Variants in RHOJ observed in about 807,000 individuals in gnomAD.
RHOJ encodes the protein rho-related GTP-binding protein RhoJ.
Under a neutral mutation model 23.4 loss-of-function variants are expected in RHOJ, and 11 were observed. The observed-to-expected ratio is 0.47, with a 90% CI of 0.30 to 0.78. The LOEUF (loss-of-function observed/expected upper bound fraction) is 0.78, where lower values mean the gene tolerates loss of function less well. Ranked by LOEUF, RHOJ falls within the 30% of genes least tolerant of loss-of-function variation. The pLI is 0.08. For missense variants in RHOJ, 254 were observed against 273.4 expected (o/e 0.93, Z 0.50); for synonymous variants, 102 against 102.7 (o/e 0.99, Z 0.04).
chr14:63,231,503 T>C (rs1894694357), intron 1 of RHOJ, among the ~76,000 whole-genome samples: 1 of 152,204 alleles, frequency 6.6e-6, no homozygotes, highest in South Asian at 2.1e-4. Flanking sequence ...CACATTACAA[T>C]AACGTTGTAT....
chr14:63,220,023 G>C (rs867571288), intron 1 of RHOJ, among the ~76,000 whole-genome samples: 27 of 152,166 alleles, frequency 1.8e-4, no homozygotes, highest in African/African-American at 6.3e-4. Context: ...TATTTTAATG[G>C]TATATATGAG....
chr14:63,287,496 A>ATCCC (rs1882117783), intron 4 of RHOJ, among the ~76,000 whole-genome samples: 1 of 152,078 alleles, frequency 6.6e-6, no homozygotes, highest in Non-Finnish European at 1.5e-5. Context: ...CTTTGCCTTT[A>ATCCC]TCCCTTCCAG....
At chr14:63,249,847 G>GGTGCA (rs1895037885) in intron 1 of RHOJ, among the ~76,000 whole-genome samples, 2 of 152,120 alleles carry the variant, frequency 1.3e-5, no homozygotes, top group South Asian at 2.1e-4. Context: ...ATTGGTCCAG[G>GGTGCA]GTGCAACCAA....
intron 1 of RHOJ, among the ~76,000 whole-genome samples, chr14:63,229,856 C>T (rs770615608): frequency 2.6e-5 from 4 of 152,150 alleles, no homozygotes; most frequent in African/African-American, 9.7e-5. Context: ...TGGAATACCA[C>T]GGGTCAAGGA....
In RHOJ at chr14:63,291,140, G is replaced by A; in HGVS notation, c.*116G>A. Reference sequence around the variant, plus strand: ...CAGAAAGGAACTCCCTTTGCACGGAGGCTTGCCCCATCACCCTCTGAGCCC... The same window carrying A: ...CAGAAAGGAACTCCCTTTGCACGGAAGCTTGCCCCATCACCCTCTGAGCCC... On this transcript the variant is annotated 3_prime_UTR_variant, in exon 5 of 5. Coordinates refer to ENST00000316754, the MANE Select transcript of RHOJ (RefSeq NM_020663.5). The A allele has an allele frequency of 8.1e-7, 1 of 1,230,436 alleles. No homozygotes were observed. The highest frequency in any genetic ancestry group is 1.2e-6 in the Non-Finnish European group (1 of 852,504). The allele number at this position is 1,230,436 out of a possible 1,614,324, so 76.2% of individuals were successfully genotyped here.
intron 1 of RHOJ, among the ~76,000 whole-genome samples, chr14:63,220,053 T>C (rs1013653287): frequency 6.6e-6 from 1 of 152,180 alleles, no homozygotes; most frequent in African/African-American, 2.4e-5. Flanking sequence ...AATTCAGTTA[T>C]GAAAATTATG....
At chr14:63,278,562 A>G (rs1258243944) in intron 2 of RHOJ, among the ~76,000 whole-genome samples, 1 of 152,204 alleles carries the variant, frequency 6.6e-6, no homozygotes, top group African/African-American at 2.4e-5. Context: ...TATTAGAGTC[A>G]ATAGAAAGGT....
chr14:63,249,808 A>C (rs1260321672), intron 1 of RHOJ, among the ~76,000 whole-genome samples: 2 of 152,182 alleles, frequency 1.3e-5, no homozygotes, highest in Non-Finnish European at 2.9e-5. Flanking sequence ...CAAAACATCA[A>C]TGCCTGGATA....
Position 63,290,908 on chromosome 14 carries a change from G to T in RHOJ, c.529G>T (p.Ala177Ser). The T allele has an allele frequency of 6.2e-7, 1 of 1,613,936 alleles. No homozygotes were observed. The highest frequency in any genetic ancestry group is 8.5e-7 in the Non-Finnish European group (1 of 1,179,978). The change falls in exon 5 of 5, where the codon GCT becomes TCT. Residue 177 changes from alanine to serine, a missense_variant. By Grantham distance (99) the Ala-to-Ser change is moderately conservative (BLOSUM62 1). Coordinates refer to ENST00000316754, the MANE Select transcript of RHOJ (RefSeq NM_020663.5). ...IGAQCYLECS[A>S]LTQKGLKAVF... ...AGCACAGTGCTACTTGGAATGTTCA[G>T]CTCTGACTCAGAAAGGTCTCAAAGC...
At chr14:63,287,800 C>T (rs1882127710) in intron 4 of RHOJ, among the ~76,000 whole-genome samples, 1 of 152,172 alleles carries the variant, frequency 6.6e-6, no homozygotes, top group African/African-American at 2.4e-5. Flanking sequence ...TGTATCTAAA[C>T]AAGGAGGCTT....
At chr14:63,281,555 G>A (rs1170481907) in intron 3 of RHOJ, among the ~76,000 whole-genome samples, 1 of 151,900 alleles carries the variant, frequency 6.6e-6, no homozygotes, top group Non-Finnish European at 1.5e-5. Context: ...ATCAGAATAG[G>A]CATTCTATGA....
At chr14:63,269,704 C>G (rs1323335323) in intron 2 of RHOJ, among the ~76,000 whole-genome samples, 1 of 152,178 alleles carries the variant, frequency 6.6e-6, no homozygotes, top group Non-Finnish European at 1.5e-5. Flanking sequence ...CCCTGAATAA[C>G]TGGAGGTTGA....
At chr14:63,247,653 G>C (rs866749088) in intron 1 of RHOJ, among the ~76,000 whole-genome samples, 1 of 152,152 alleles carries the variant, frequency 6.6e-6, no homozygotes. Context: ...TAATGATAGG[G>C]GCATCATCAT....
chr14:63,280,267 C>T (rs1881855664), intron 2 of RHOJ, among the ~76,000 whole-genome samples: 1 of 152,142 alleles, frequency 6.6e-6, no homozygotes. Context: ...TCAGGTGATC[C>T]TCCCGCCTTG....
chr14:63,267,759 AC>A (rs139234269), intron 1 of RHOJ, among the ~76,000 whole-genome samples: 10,303 of 152,268 alleles, frequency 0.068, 421 homozygotes, highest in East Asian at 0.2. Context: ...CAGCATGGTA[AC>A]CGGGGTGGAC....
rs561811522 is a variant in RHOJ at position 63,252,465 on chromosome 14, C to G, written c.179-16645C>G. Among the ~76,000 whole-genome samples the G allele has an allele frequency of 2.4e-4, 36 of 152,296 alleles. No homozygotes were observed. In the South Asian group the frequency reaches 7.3e-3, roughly 31 times the overall value. Reference sequence around the variant, plus strand: ...ATCCATTCAGACCAGTTCATGAATTCAAACAGTTCAGCCCAAAGACATGAT... The same window carrying G: ...ATCCATTCAGACCAGTTCATGAATTGAAACAGTTCAGCCCAAAGACATGAT... On this transcript the variant is annotated intron_variant, in intron 1 of 4. Transcript: ENST00000316754.
intron 1 of RHOJ, among the ~76,000 whole-genome samples, chr14:63,226,173 G>A (rs1894591296): frequency 6.6e-6 from 1 of 152,124 alleles, no homozygotes; most frequent in Non-Finnish European, 1.5e-5. Context: ...TTTATTAGCA[G>A]CTGAGACTTG....
chr14:63,212,851 C>T (rs560074472), intron 1 of RHOJ, among the ~76,000 whole-genome samples: 4 of 152,150 alleles, frequency 2.6e-5, no homozygotes, highest in East Asian at 1.9e-4. Context: ...TGTCATTTTC[C>T]GGTCTCTTCA....
Position 63,231,596 on chromosome 14 carries a change from C to G in RHOJ, c.178+26549C>G, listed in dbSNP as rs531503926. On this transcript the variant is annotated intron_variant, in intron 1 of 4. Coordinates refer to ENST00000316754, the MANE Select transcript of RHOJ (RefSeq NM_020663.5). ...ACCAAATATGCACAAATTAAACACT[C>G]AGCTCGGTATTGCAGTGGTGACTTG... Among the ~76,000 whole-genome samples the G allele has an allele frequency of 2.6e-4, 39 of 152,324 alleles. No individual in the cohort carries two copies. In the South Asian group the frequency reaches 7.1e-3, roughly 28 times the overall value.
Sources: gnomAD v4.1 joint callset for allele counts (sites outside exome capture counted in the v4.1 genomes callset) on GRCh38, gnomAD v4.1.1 for gene constraint, MANE v1.5 for transcripts, NCBI Gene and HGNC (gene_info 2026-07-23, HGNC 2026-07-21) for gene names.